MYBPC1: variants seen among roughly 807,000 people sequenced by gnomAD.
MYBPC1 encodes myosin-binding protein C, slow-type.
Under a neutral mutation model 147.1 loss-of-function variants are expected in MYBPC1, and 52 were observed. The ratio of observed to expected loss-of-function variants is 0.35; its 90% CI spans 0.28 to 0.45. MYBPC1 has a LOEUF of 0.45. MYBPC1 is among the 20% of genes least tolerant of loss of function. MYBPC1 has a pLI of 1.00. For synonymous variants in MYBPC1, 477 were observed against 475.9 expected (o/e 1.00, Z -0.03); for missense variants, 1,228 against 1,440.3 (o/e 0.85, Z 2.39).
chr12:101,602,118 C>T (rs961718877), intron 1 of MYBPC1, among the ~76,000 whole-genome samples: 3 of 152,184 alleles, frequency 2.0e-5, no homozygotes, highest in Non-Finnish European at 4.4e-5. Context: ...CTTTGTATGC[C>T]TCTGTTTCCT....
At chr12:101,676,999 G>A (rs1484812916) in intron 26 of MYBPC1, among the ~76,000 whole-genome samples, 2 of 152,128 alleles carry the variant, frequency 1.3e-5, no homozygotes, top group African/African-American at 2.4e-5. Context: ...TGAATCTAAT[G>A]TGTAAATGAA....
intron 20 of MYBPC1, among the ~76,000 whole-genome samples, chr12:101,661,662 G>T (rs984426943): frequency 1.3e-5 from 2 of 152,064 alleles, no homozygotes; most frequent in Middle Eastern, 3.2e-3. Flanking sequence ...GCCTAGGTGG[G>T]TGGATCACTT....
At chr12:101,658,130 CAAAAAAAA>C in intron 18 of MYBPC1, among the ~76,000 whole-genome samples, 1 of 90,422 alleles carries the variant, frequency 1.1e-5, no homozygotes, top group East Asian at 2.9e-4. Context: ...GACTCCGTCT[CAAAAAAAA>C]AAAAAAAAAA....
At position 101,685,807 on chromosome 12, in the gene MYBPC1, AAG is replaced by A; in HGVS notation, c.*249_*250del. 9 of 576,700 alleles carry A rather than the reference AAG, an allele frequency of 1.6e-5. No homozygotes were observed. The highest frequency in any genetic ancestry group is 4.0e-5 in the Admixed American group (1 of 24,852). 35.7% of individuals were successfully genotyped at this position (576,700 alleles called of 1,614,324 possible). A position where few individuals can be genotyped will look rare whatever the true frequency, so the allele number is the denominator to read the frequency against. On this transcript the variant is annotated 3_prime_UTR_variant, in exon 32 of 32. Transcript: ENST00000361466. Reference sequence around the variant, plus strand: ...GTCTTTTTCTTTCCTCCTAATGTTGAAGAGAAAAAAAAAAAAAAAAGTTTGCC... The same window carrying A: ...GTCTTTTTCTTTCCTCCTAATGTTGAAGAAAAAAAAAAAAAAAAGTTTGCC...
At chr12:101,682,706 C>T (rs775587144) in intron 30 of MYBPC1, 44 bp downstream of exon 30, 3 of 1,533,982 alleles carry the variant, frequency 2.0e-6, no homozygotes, top group Non-Finnish European at 2.7e-6. Context: ...CTTTCCGTTC[C>T]ATTCCTCTTA....
intron 1 of MYBPC1, among the ~76,000 whole-genome samples, chr12:101,608,845 A>G (rs1883240259): frequency 6.6e-6 from 1 of 152,160 alleles, no homozygotes; most frequent in South Asian, 2.1e-4. Context: ...AATGTAAATG[A>G]TGGAGCTGGG....
intron 1 of MYBPC1, among the ~76,000 whole-genome samples, chr12:101,602,281 C>T (rs1880364259): frequency 6.6e-6 from 1 of 152,192 alleles, no homozygotes; most frequent in Admixed American, 6.5e-5. Flanking sequence ...GTGGCATGAT[C>T]TCGGCTCACT....
At chr12:101,644,948 A>G in intron 12 of MYBPC1, 152 bp downstream of exon 12, 1 of 821,058 alleles carries the variant, frequency 1.2e-6, no homozygotes, top group Non-Finnish European at 2.0e-6. Flanking sequence ...CATTTTATTT[A>G]TTAGGGAAAC....
rs765054618 is a variant in MYBPC1, at chr12:101,662,539, T to C, written c.2214T>C (p.Val738=). 2.4e-5 allele frequency: 38 copies of C among 1,614,122 alleles called. No individual in the cohort carries two copies. The highest frequency in any genetic ancestry group is 3.0e-5 in the Non-Finnish European group (35 of 1,179,980). Residue 738 remains valine, a synonymous_variant, in exon 21 of 32, where the codon GTT becomes GTC. Coordinates refer to ENST00000361466, the MANE Select transcript of MYBPC1 (RefSeq NM_002465.4). ...CCAGTATGCCCTCCAGGCCTTTTGT[T>C]CCTTTGGGTAAGTCAAGAGAGATGA... is the stretch of plus-strand genomic sequence containing the variant. The part of the protein sequence containing the change: ...SKPSMPSRPF[V]PLAVTSPPTL...
At chr12:101,693,421 C>T in the MYBPC1 span, among the ~76,000 whole-genome samples, 2 of 152,160 alleles carry the variant, frequency 1.3e-5, no homozygotes, top group Admixed American at 1.3e-4. Context: ...CCCCACAATA[C>T]CCACTCTCTC....
At position 101,616,139 on chromosome 12, in the gene MYBPC1, G is replaced by A. The variant is rs372255394; in HGVS notation, c.62-1063G>A. Among the ~76,000 whole-genome samples, 5 of 152,114 alleles carry A rather than the reference G, an allele frequency of 3.3e-5. No homozygotes were observed. In the East Asian group the frequency reaches 5.8e-4, roughly 18 times the overall value. ...AGTATTACTATGTGTCGAAATGAAC[G>A]AAAACTGGCTCAGTGCCATATGAGT... On this transcript the variant is annotated intron_variant, in intron 2 of 31. Coordinates refer to ENST00000361466, the MANE Select transcript of MYBPC1 (RefSeq NM_002465.4).
intron 13 of MYBPC1, among the ~76,000 whole-genome samples, chr12:101,647,741 G>T (rs1390609966): frequency 6.6e-6 from 1 of 152,154 alleles, no homozygotes; most frequent in Non-Finnish European, 1.5e-5. Flanking sequence ...GCAAAAATTA[G>T]TTGGGTGTAG....
chr12:101,616,760 A>G (rs982700523), intron 2 of MYBPC1, among the ~76,000 whole-genome samples: 4 of 152,216 alleles, frequency 2.6e-5, no homozygotes, highest in African/African-American at 7.2e-5. Context: ...ACACAATTAC[A>G]TATTTTGTAC....
chr12:101,613,013 A>G (rs909109745), intron 1 of MYBPC1, among the ~76,000 whole-genome samples: 1 of 152,288 alleles, frequency 6.6e-6, no homozygotes, highest in Middle Eastern at 3.4e-3. Flanking sequence ...CTGTCCATCT[A>G]TAAGTTTATG....
chr12:101,617,097 T>A, intron 2 of MYBPC1, 105 bp from the exon 3 acceptor site: 1 of 984,314 alleles, frequency 1.0e-6, no homozygotes, highest in Admixed American at 1.9e-5. Flanking sequence ...TTATGACCTG[T>A]TCTGCTGTCA....
rs779316015 is a variant in MYBPC1, at chr12:101,632,024, T to C, written c.442T>C (p.Tyr148His). The part of the protein sequence containing the change: ...KETFERHSRV[Y>H]TFEMQIIKAK... Reference sequence around the variant, plus strand: ...GTCTGGATGCATTTCATTGCAGGTGTACACATTTGAGATGCAGATCATCAA... The same window carrying C: ...GTCTGGATGCATTTCATTGCAGGTGCACACATTTGAGATGCAGATCATCAA... Residue 148 changes from tyrosine (Y) to histidine (H), a missense_variant, in exon 8 of 32, where the codon TAC becomes CAC. By Grantham distance (83) the Tyr-to-His change is moderately conservative. Coordinates refer to ENST00000361466, the MANE Select transcript of MYBPC1 (RefSeq NM_002465.4). The C allele has an allele frequency of 6.2e-7, 1 of 1,606,022 alleles. No homozygotes were observed. The highest frequency in any genetic ancestry group is 2.2e-5 in the East Asian group (1 of 44,840).
In MYBPC1 at chr12:101,636,681, T is replaced by C. The variant is rs1891048825; in HGVS notation, c.618T>C (p.Gly206=). 1 of 1,613,518 alleles carries C rather than the reference T, an allele frequency of 6.2e-7. No homozygotes were observed. The highest frequency in any genetic ancestry group is 8.5e-7 in the Non-Finnish European group (1 of 1,179,636). Residue 206 remains glycine (G), a synonymous_variant, in exon 10 of 32, where the codon GGT becomes GGC. Coordinates refer to ENST00000361466, the MANE Select transcript of MYBPC1 (RefSeq NM_002465.4). ...CTTTTGTTAACGACAGTGGAGAAGG[T>C]CAAGAGGATGCAGGAGAACTTGACT... is the stretch of plus-strand genomic sequence containing the variant. The part of the protein sequence containing the change: ...IRSAFKRSGE[G]QEDAGELDFS...
the MYBPC1 span, among the ~76,000 whole-genome samples, chr12:101,691,561 A>G: frequency 6.6e-6 from 1 of 152,258 alleles, no homozygotes; most frequent in African/African-American, 2.4e-5. Flanking sequence ...TGAAAGTTAC[A>G]CAAAAGAACT....
Position 101,667,777 on chromosome 12 carries a change from A to G in MYBPC1, c.2402A>G (p.Lys801Arg). ...VANKDLIDKT[K>R]FTITGLPTDA... ...AACAAAGATCTGATTGACAAGACGA[A>G]GTTCACCATCACAGGTCTGCCAACA... The change falls in exon 23 of 32, where the codon AAG becomes AGG. Residue 801 changes from lysine to arginine, a missense_variant. Physicochemically the swap from Lys to Arg is conservative, Grantham distance 26. Around this residue, in one of 2 missense-constraint regions of MYBPC1, gnomAD observed 1,077 missense variants for 1,314.2 expected, o/e 0.82. Transcript: ENST00000361466. The G allele has an allele frequency of 6.2e-7, 1 of 1,614,206 alleles. No homozygotes were observed. The highest frequency in any genetic ancestry group is 8.5e-7 in the Non-Finnish European group (1 of 1,180,026).
Sources: gnomAD v4.1 joint callset for allele counts (sites outside exome capture counted in the v4.1 genomes callset) on GRCh38, gnomAD v4.1.1 for gene constraint, gnomAD v4.1.1 regional missense constraint, MANE v1.5 for transcripts, NCBI Gene and HGNC (gene_info 2026-07-23, HGNC 2026-07-21) for gene names.